PCNX1: variants seen among roughly 807,000 people sequenced by gnomAD.
The protein encoded by PCNX1 is pecanex 1, also known as pecanex-like protein 1.
In PCNX1, 78 loss-of-function variants were observed where a neutral mutation model predicts 242.2. That is an observed-to-expected ratio of 0.32 (90% CI 0.27 to 0.39). The LOEUF is 0.39. Ranked by LOEUF, PCNX1 falls within the 10% of genes least tolerant of loss-of-function variation. The pLI, the probability that PCNX1 is intolerant of heterozygous loss-of-function variation, is 1.00. For missense variants in PCNX1, 2,581 were observed against 2,856.5 expected (o/e 0.90, Z 2.20); for synonymous variants, 1,024 against 1,032.9 (o/e 0.99, Z 0.17).
At chr14:71,105,105 A>AT (rs1396500659) in intron 32 of PCNX1, 130 bp from the exon 33 acceptor site, 1 of 677,810 alleles carries the variant, frequency 1.5e-6, no homozygotes, top group African/African-American at 1.8e-5. Flanking sequence ...CCTAATATTG[A>AT]TTGCACCATA....
At chr14:70,993,790 A>G (rs1430748442) in intron 7 of PCNX1, among the ~76,000 whole-genome samples, 1 of 152,190 alleles carries the variant, frequency 6.6e-6, no homozygotes, top group Non-Finnish European at 1.5e-5. Flanking sequence ...ACTACTACTT[A>G]AACATTTTTT....
intron 3 of PCNX1, 76 bp downstream of exon 3, chr14:70,962,407 G>A: frequency 5.4e-6 from 4 of 745,122 alleles, no homozygotes. Flanking sequence ...GTGTCTTTAA[G>A]TCGGCTGATG....
intron 30 of PCNX1, among the ~76,000 whole-genome samples, chr14:71,094,316 AC>A (rs1566797886): frequency 6.6e-6 from 1 of 152,210 alleles, no homozygotes; most frequent in Non-Finnish European, 1.5e-5. Flanking sequence ...GCAGGAAGGA[AC>A]TTTTTGAGGT....
chr14:70,957,088 C>A (rs1239213655), intron 2 of PCNX1, among the ~76,000 whole-genome samples: 1 of 151,982 alleles, frequency 6.6e-6, no homozygotes, highest in African/African-American at 2.4e-5. Context: ...CTTTACCTCC[C>A]GGGCTAAATC....
chr14:70,908,073 C>T, intron 1 of PCNX1, 70 bp downstream of exon 1: 3 of 1,409,876 alleles, frequency 2.1e-6, no homozygotes, highest in South Asian at 1.4e-5. Flanking sequence ...GGGTCGCGCC[C>T]TCTTCCTCTT....
chr14:71,068,401 C>T lies in PCNX1; in HGVS notation c.4853-5144C>T, dbSNP rs149727698. The stretch of plus-strand genomic sequence containing the variant: ...ATATATGTGTGTATATTTATGTATA[C>T]GTATATATATGTATTTATATGTATA... On this transcript the variant is annotated intron_variant, in intron 26 of 35. Transcript: ENST00000304743. Among the ~76,000 whole-genome samples the T allele has an allele frequency of 2.8e-3, 408 of 147,746 alleles. 5 individuals carry two copies. In the East Asian group the frequency reaches 0.034, roughly 12 times the overall value.
chr14:70,912,926 C>A (rs1370263941), intron 1 of PCNX1, among the ~76,000 whole-genome samples: 5 of 152,190 alleles, frequency 3.3e-5, no homozygotes, highest in African/African-American at 1.2e-4. Flanking sequence ...GCAAGGCTGG[C>A]TGCTACTTAA....
intron 1 of PCNX1, among the ~76,000 whole-genome samples, chr14:70,944,942 A>G (rs1426867933): frequency 6.6e-6 from 1 of 152,152 alleles, no homozygotes. Flanking sequence ...CTCCTCAGCC[A>G]TGTGGAACTG....
At chr14:70,917,445 G>T (rs909187148) in intron 1 of PCNX1, among the ~76,000 whole-genome samples, 2 of 152,158 alleles carry the variant, frequency 1.3e-5, no homozygotes, top group Admixed American at 6.5e-5. Context: ...GTGTTAGCAG[G>T]CATGAAAACA....
intron 26 of PCNX1, among the ~76,000 whole-genome samples, chr14:71,065,605 C>T (rs2061426547): frequency 6.6e-6 from 1 of 152,188 alleles, no homozygotes; most frequent in Admixed American, 6.5e-5. Context: ...TTTTGCTTTA[C>T]AGAAGCTCTT....
At chr14:71,067,005 G>T (rs61990414) in intron 26 of PCNX1, among the ~76,000 whole-genome samples, 2,161 of 152,096 alleles carry the variant, frequency 0.014, 24 homozygotes, top group Middle Eastern at 0.034. Context: ...GCTGGATTCT[G>T]TCTGCCAGTA....
intron 30 of PCNX1, 91 bp from the exon 31 acceptor site, chr14:71,101,899 A>G: frequency 1.6e-6 from 1 of 632,332 alleles, no homozygotes; most frequent in Non-Finnish European, 2.6e-6. Flanking sequence ...TTCATAATAA[A>G]CCAGTTTTTA....
intron 30 of PCNX1, among the ~76,000 whole-genome samples, chr14:71,094,359 G>C (rs1056079528): frequency 1.3e-5 from 2 of 152,208 alleles, no homozygotes; most frequent in African/African-American, 4.8e-5. Context: ...GATTGCAGTA[G>C]TGGTTACCTG....
intron 1 of PCNX1, among the ~76,000 whole-genome samples, chr14:70,923,667 C>G (rs2056465208): frequency 1.3e-5 from 2 of 151,050 alleles, no homozygotes; most frequent in African/African-American, 5.0e-5. Context: ...GGCTTCCCCA[C>G]CCCCCACTTA....
At chr14:70,930,729 CT>C (rs1225159193) in intron 1 of PCNX1, among the ~76,000 whole-genome samples, 6 of 151,938 alleles carry the variant, frequency 3.9e-5, no homozygotes, top group Admixed American at 3.3e-4. Flanking sequence ...CCAGCTGGCC[CT>C]CTGAAATTAG....
At chr14:70,938,521 A>G (rs2057102128) in intron 1 of PCNX1, among the ~76,000 whole-genome samples, 1 of 152,140 alleles carries the variant, frequency 6.6e-6, no homozygotes, top group African/African-American at 2.4e-5. Flanking sequence ...GTGCTGCTGG[A>G]TTCGGTTTGC....
intron 1 of PCNX1, among the ~76,000 whole-genome samples, chr14:70,918,248 A>T (rs1401381963): frequency 2.0e-5 from 3 of 152,202 alleles, no homozygotes; most frequent in African/African-American, 7.2e-5. Context: ...CTTTTGGTGC[A>T]TGAGGATTAG....
intron 1 of PCNX1, among the ~76,000 whole-genome samples, chr14:70,929,170 C>G (rs762546898): frequency 6.6e-6 from 1 of 151,472 alleles, no homozygotes; most frequent in Non-Finnish European, 1.5e-5. Context: ...ATTATTATTT[C>G]TTTTGTTCTC....
At chr14:70,917,511 C>T (rs1489090231) in intron 1 of PCNX1, among the ~76,000 whole-genome samples, 1 of 152,158 alleles carries the variant, frequency 6.6e-6, no homozygotes, top group East Asian at 1.9e-4. Flanking sequence ...GGTACCATGT[C>T]AAGGAGCAGT....
Sources: gnomAD v4.1 joint callset for allele counts (sites outside exome capture counted in the v4.1 genomes callset) on GRCh38, gnomAD v4.1.1 for gene constraint, MANE v1.5 for transcripts, NCBI Gene and HGNC (gene_info 2026-07-23, HGNC 2026-07-21) for gene names.